The following FXR1 variants were observed in gnomAD, a reference collection of about 807,000 sequenced individuals.
The protein encoded by FXR1 is RNA-binding protein FXR1.
In FXR1, 15 loss-of-function variants were observed where a neutral mutation model predicts 84.0. That is an observed-to-expected ratio of 0.18 (90% CI 0.12 to 0.27). The LOEUF is 0.27. Ranked by LOEUF, FXR1 falls within the 10% of genes least tolerant of loss-of-function variation. FXR1 has a pLI of 1.00. For missense variants in FXR1, 480 were observed against 774.4 expected (o/e 0.62, Z 4.51); for synonymous variants, 245 against 250.7 (o/e 0.98, Z 0.21).
At chr3:180,941,750 C>A (rs1721145068) in intron 3 of FXR1, among the ~76,000 whole-genome samples, 2 of 152,074 alleles carry the variant, frequency 1.3e-5, no homozygotes, top group Non-Finnish European at 2.9e-5. Context: ...GTAAAGAAAG[C>A]TGGTAGGAAA....
chr3:180,917,947 C>CA (rs757826092), intron 1 of FXR1, among the ~76,000 whole-genome samples: 6,019 of 60,348 alleles, frequency 0.1, 390 homozygotes, highest in African/African-American at 0.11. Flanking sequence ...ACTCTGTCTC[C>CA]AAAAAAAAAA....
At position 180,978,221 on chromosome 3, in the gene FXR1, AATAGTCAG is replaced by A. The variant is rs1714411356; in HGVS notation, c.*1933_*1940del. The stretch of plus-strand genomic sequence containing the variant: ...AGACTTTTCATTTTCTCCCACATAG[AATAGTCAG>A]ATATATTAAACATCCCTTTTCCATA... On this transcript the variant is annotated 3_prime_UTR_variant, in exon 17 of 17. Coordinates refer to ENST00000357559, the MANE Select transcript of FXR1 (RefSeq NM_005087.4). 1 of 152,118 alleles carries A rather than the reference AATAGTCAG, an allele frequency of 6.6e-6. No homozygotes were observed. The highest frequency in any genetic ancestry group is 1.5e-5 in the Non-Finnish European group (1 of 67,956). The allele number at this position is 152,118 out of a possible 1,614,324, so 9.4% of individuals were successfully genotyped here.
intron 1 of FXR1, chr3:180,927,761 T>C (rs1719402438): frequency 4.5e-6 from 2 of 441,352 alleles, no homozygotes; most frequent in Non-Finnish European, 8.0e-6. Context: ...AGCAAATGTT[T>C]AACAATTTAA....
At chr3:180,919,451 A>G (rs1283469090) in intron 1 of FXR1, among the ~76,000 whole-genome samples, 1 of 151,292 alleles carries the variant, frequency 6.6e-6, no homozygotes, top group African/African-American at 2.4e-5. Flanking sequence ...CGCCCAGGCA[A>G]TTTTTGTATT....
At chr3:180,933,104 G>A (rs1720123165) in intron 1 of FXR1, 1 of 469,288 alleles carries the variant, frequency 2.1e-6, no homozygotes, top group Admixed American at 4.3e-5. Flanking sequence ...ATTTACTTTT[G>A]CTAATTCCCA....
chr3:180,933,242 A>T, intron 1 of FXR1, 92 bp from the exon 2 acceptor site: 1 of 729,496 alleles, frequency 1.4e-6, no homozygotes, highest in Non-Finnish European at 2.4e-6. Flanking sequence ...GTGTTCTTTT[A>T]GTACTCCCTA....
chr3:180,948,094 T>C (rs1721879327), intron 4 of FXR1, 158 bp downstream of exon 4: 1 of 616,104 alleles, frequency 1.6e-6, no homozygotes, highest in Non-Finnish European at 2.9e-6. Context: ...TCTGTTTGTG[T>C]TCTGTATTGG....
chr3:180,978,715 AAAG>A lies in FXR1; in HGVS notation c.*2424_*2426del. ...AGACCCTCTTTAAAGAGAAGGAAAA[AAAG>A]GTATTCTGGAAGATCTTGTGCAGTT... On this transcript the variant is annotated 3_prime_UTR_variant, in exon 17 of 17. Coordinates refer to ENST00000357559, the MANE Select transcript of FXR1 (RefSeq NM_005087.4). The A allele has an allele frequency of 6.6e-6, 1 of 152,102 alleles. No individual in the cohort carries two copies. Among genetic ancestry groups the A allele is most frequent in the South Asian group, 2.1e-4 (1 of 4,832 alleles). The allele number at this position is 152,102 out of a possible 1,614,324, so 9.4% of individuals were successfully genotyped here. A position where few individuals can be genotyped will look rare whatever the true frequency, so the allele number is the denominator to read the frequency against.
At chr3:180,959,397 T>C (rs987909780) in intron 10 of FXR1, among the ~76,000 whole-genome samples, 6 of 152,078 alleles carry the variant, frequency 3.9e-5, no homozygotes, top group Admixed American at 1.3e-4. Flanking sequence ...CAGAAACTAT[T>C]CTTATACATT....
chr3:180,975,392 C>A lies in FXR1; in HGVS notation c.1683C>A (p.Asn561Lys), dbSNP rs867617796. The change falls in exon 16 of 17, where the codon AAC becomes AAA. Residue 561 changes from asparagine to lysine, a missense_variant. Asn to Lys is a moderately conservative substitution (Grantham distance 94, BLOSUM62 0). Around this residue, in one of 6 missense-constraint regions of FXR1, gnomAD observed 94 missense variants for 81.8 expected, o/e 1.15. Transcript: ENST00000357559. Reference protein sequence around the residue: ...RNLPRETLAKNKKEMAKDVIE... With the variant: ...RNLPRETLAKKKKEMAKDVIE... ...TCCCAAGGGAAACTTTGGCTAAAAA[C>A]AAGAAAGAAATGGTAAGGAGAATTT... 4.3e-6 allele frequency: 6 copies of A among 1,403,468 alleles called. No homozygotes were observed. Among genetic ancestry groups the A allele is most frequent in the Middle Eastern group, 1.8e-4 (1 of 5,502 alleles). 86.9% of individuals were successfully genotyped at this position (1,403,468 alleles called of 1,614,324 possible).
chr3:180,972,149 C>T (rs960032662), intron 15 of FXR1, among the ~76,000 whole-genome samples: 3 of 152,136 alleles, frequency 2.0e-5, no homozygotes, highest in African/African-American at 7.2e-5. Flanking sequence ...CCCTTCTTTC[C>T]TCCCCTCCTT....
chr3:180,956,818 C>G (rs1404453934), intron 9 of FXR1, among the ~76,000 whole-genome samples: 1 of 152,058 alleles, frequency 6.6e-6, no homozygotes, highest in South Asian at 2.1e-4. Flanking sequence ...TTGTACTGAC[C>G]AGTCTACTGT....
At chr3:180,945,131 G>T (rs1721564185) in intron 3 of FXR1, among the ~76,000 whole-genome samples, 1 of 152,054 alleles carries the variant, frequency 6.6e-6, no homozygotes, top group African/African-American at 2.4e-5. Flanking sequence ...AGCTTATTCT[G>T]GTTATTCTTA....
Position 180,976,189 on chromosome 3 carries a change from G to C in FXR1, c.1763G>C (p.Gly588Ala). The C allele has an allele frequency of 6.2e-7, 1 of 1,612,896 alleles. No homozygotes were observed. Among genetic ancestry groups the C allele is most frequent in the African/African-American group, 1.3e-5 (1 of 74,960 alleles). Residue 588 changes from glycine (G) to alanine (A), a missense_variant, in exon 17 of 17, where the codon GGC (glycine) becomes GCC (alanine). Around this residue, in one of 6 missense-constraint regions of FXR1, gnomAD observed 94 missense variants for 81.8 expected, o/e 1.15. Transcript: ENST00000357559. ...KAINGPTSASGDDISKLQRTP... is the reference protein window; with the variant it reads ...KAINGPTSASADDISKLQRTP... ...ATAAACGGCCCAACTAGTGCTTCTG[G>C]CGATGACATTTCTAAGCTACAGCGT...
intron 3 of FXR1, among the ~76,000 whole-genome samples, chr3:180,936,837 A>G (rs1720576857): frequency 6.6e-6 from 1 of 152,192 alleles, no homozygotes; most frequent in African/African-American, 2.4e-5. Context: ...TCCAGGCAGA[A>G]TTTTTAAATG....
At chr3:180,919,015 A>G (rs1718231890) in intron 1 of FXR1, among the ~76,000 whole-genome samples, 1 of 152,232 alleles carries the variant, frequency 6.6e-6, no homozygotes. Context: ...TTTTTGAAGT[A>G]CAAATGTTTT....
chr3:180,923,766 G>A (rs766101948), intron 1 of FXR1, among the ~76,000 whole-genome samples: 2 of 151,910 alleles, frequency 1.3e-5, no homozygotes, highest in Non-Finnish European at 2.9e-5. Flanking sequence ...TCAGGAGACC[G>A]GTCTGTTGAT....
chr3:180,972,253 A>AG (rs1713678398), intron 15 of FXR1, among the ~76,000 whole-genome samples: 1 of 152,120 alleles, frequency 6.6e-6, no homozygotes, highest in African/African-American at 2.4e-5. Context: ...GCTTGAGCCC[A>AG]GGAGTTTGAG....
intron 15 of FXR1, among the ~76,000 whole-genome samples, chr3:180,974,921 C>A (rs1234949439): frequency 6.9e-6 from 1 of 145,784 alleles, no homozygotes; most frequent in Non-Finnish European, 1.5e-5. Flanking sequence ...TGATTTGGAC[C>A]AAATTTGCCC....
Sources: allele counts gnomAD v4.1 joint callset (sites outside exome capture counted in the v4.1 genomes callset), GRCh38; gene constraint gnomAD v4.1.1; regional missense constraint gnomAD v4.1.1; transcripts MANE v1.5; gene names NCBI Gene and HGNC (gene_info 2026-07-23, HGNC 2026-07-21).